The following MKLN1 variants were observed in gnomAD, a reference collection of about 807,000 sequenced individuals.
MKLN1 encodes muskelin 1.
A neutral mutation model predicts 99.0 loss-of-function variants in MKLN1; 18 were observed. That is an observed-to-expected ratio of 0.18 (90% CI 0.13 to 0.27). MKLN1 has a LOEUF of 0.27. MKLN1 is among the 10% of genes least tolerant of loss of function. MKLN1 has a pLI of 1.00. For missense variants in MKLN1, 621 were observed against 875.9 expected, an observed-to-expected ratio of 0.71 and a Z score of 3.67; for synonymous variants, 288 against 293.2, an observed-to-expected ratio of 0.98 and a Z score of 0.18.
intron 3 of MKLN1, chr7:131,310,471 T>A (rs1798545333): frequency 6.6e-6 from 1 of 152,220 alleles, no homozygotes; most frequent in Non-Finnish European, 1.5e-5. Context: ...CCATCACTTG[T>A]GGAATCACCT....
chr7:131,385,119 A>C (rs1286742210), intron 2 of MKLN1, among the ~76,000 whole-genome samples: 7 of 152,148 alleles, frequency 4.6e-5, no homozygotes, highest in Admixed American at 3.9e-4. Context: ...GGTAAGTCAG[A>C]CTGGCTTTTG....
chr7:131,463,432 AAAG>A, intron 13 of MKLN1, 68 bp downstream of exon 13: 3 of 1,476,362 alleles, frequency 2.0e-6, no homozygotes, highest in Non-Finnish European at 2.8e-6. Context: ...TTTATTCAAA[AAAG>A]AGAGAAATGA....
intron 3 of MKLN1, among the ~76,000 whole-genome samples, chr7:131,287,727 C>T (rs986310240): frequency 3.3e-5 from 5 of 152,110 alleles, no homozygotes; most frequent in Admixed American, 1.3e-4. Context: ...GTGTCCCCAC[C>T]CAAATCTCAT....
intron 14 of MKLN1, among the ~76,000 whole-genome samples, chr7:131,465,830 C>T (rs777299209): frequency 9.2e-5 from 14 of 152,164 alleles, no homozygotes; most frequent in South Asian, 4.1e-4. Flanking sequence ...TGAGCCACCG[C>T]GCCTGGCCTA....
At chr7:131,375,210 A>G (rs1793605317) in intron 1 of MKLN1, among the ~76,000 whole-genome samples, 1 of 152,120 alleles carries the variant, frequency 6.6e-6, no homozygotes, top group African/African-American at 2.4e-5. Context: ...AAAAGTCTTG[A>G]TTTTTCTCTG....
chr7:131,154,468 T>C (rs1795936163), intron 2 of MKLN1, among the ~76,000 whole-genome samples: 1 of 152,134 alleles, frequency 6.6e-6, no homozygotes, highest in South Asian at 2.1e-4. Flanking sequence ...AGATGTAACA[T>C]GGAGGAGGTT....
At chr7:131,159,246 G>GT (rs1188704940) in intron 2 of MKLN1, among the ~76,000 whole-genome samples, 1 of 152,106 alleles carries the variant, frequency 6.6e-6, no homozygotes, top group Non-Finnish European at 1.5e-5. Context: ...ATAAGCAAGG[G>GT]TGGGGGACAG....
At chr7:131,395,058 G>A (rs1584692739) in intron 4 of MKLN1, among the ~76,000 whole-genome samples, 1 of 151,920 alleles carries the variant, frequency 6.6e-6, no homozygotes, top group East Asian at 1.9e-4. Flanking sequence ...TCTAAGTGTT[G>A]GGAATCAGTT....
intron 2 of MKLN1, among the ~76,000 whole-genome samples, chr7:131,194,630 C>T (rs1195254694): frequency 6.6e-6 from 1 of 152,198 alleles, no homozygotes; most frequent in East Asian, 1.9e-4. Flanking sequence ...AATGCCACAG[C>T]CGCATCTCAA....
At chr7:131,453,453 T>G (rs1796244870) in intron 12 of MKLN1, among the ~76,000 whole-genome samples, 1 of 152,116 alleles carries the variant, frequency 6.6e-6, no homozygotes, top group African/African-American at 2.4e-5. Flanking sequence ...AGACATTGCT[T>G]AAGACTTGGC....
intron 3 of MKLN1, among the ~76,000 whole-genome samples, chr7:131,321,202 G>T (rs770612514): frequency 6.6e-6 from 1 of 151,944 alleles, no homozygotes; most frequent in Non-Finnish European, 1.5e-5. Flanking sequence ...ATGACAAGCT[G>T]GAAAAAGAAA....
upstream of MKLN1, chr7:131,327,863 G>A (rs1264839698): frequency 9.3e-6 from 15 of 1,604,550 alleles, no homozygotes; most frequent in Non-Finnish European, 1.3e-5. Context: ...CCCGTTCGCT[G>A]CCAGCGGTCG....
intron 3 of MKLN1, among the ~76,000 whole-genome samples, chr7:131,247,145 T>C (rs17165504): frequency 0.023 from 3,571 of 152,334 alleles, 110 homozygotes; most frequent in African/African-American, 0.081. Flanking sequence ...TACTCTGAGT[T>C]GTAACTTCTC....
chr7:131,156,467 A>AG (rs1237802436), intron 2 of MKLN1, among the ~76,000 whole-genome samples: 1 of 150,904 alleles, frequency 6.6e-6, no homozygotes. Flanking sequence ...AAAAAAAAAA[A>AG]AAAGAAAAGT....
intron 3 of MKLN1, among the ~76,000 whole-genome samples, chr7:131,214,365 G>C (rs1456708279): frequency 6.6e-6 from 1 of 152,140 alleles, no homozygotes; most frequent in African/African-American, 2.4e-5. Flanking sequence ...GGTTGGGATG[G>C]GGTGGGTAAG....
intron 15 of MKLN1, 115 bp downstream of exon 15, chr7:131,466,530 C>G (rs1796665828): frequency 1.5e-6 from 1 of 648,700 alleles, no homozygotes; most frequent in Admixed American, 4.1e-5. Context: ...TTGTAAATGC[C>G]CTGTTATTCC....
chr7:131,156,795 T>C (rs1029819082), intron 2 of MKLN1, among the ~76,000 whole-genome samples: 2 of 152,202 alleles, frequency 1.3e-5, no homozygotes, highest in Non-Finnish European at 1.5e-5. Context: ...GGAGCACCTG[T>C]ACACAGCATC....
intron 3 of MKLN1, among the ~76,000 whole-genome samples, chr7:131,273,347 G>T (rs961752777): frequency 1.6e-3 from 2 of 1,274 alleles, no homozygotes; most frequent in Non-Finnish European, 8.9e-3. Flanking sequence ...TTTGGAAAAG[G>T]TCCATTTTTT....
In MKLN1 at chr7:131,465,869, G is replaced by GTTGAC. The variant is rs548894747; in HGVS notation, c.1789-405_1789-401dup. On this transcript the variant is annotated intron_variant, in intron 14 of 17. Transcript: ENST00000352689. ...TTTTTTTAAAGTTTCTAGTTGACCT[G>GTTGAC]TTGACTGTTAACTTTTAGTGATTCA... 3.6e-3 allele frequency among the ~76,000 whole-genome samples: 549 copies of GTTGAC among 152,216 alleles called. 2 individuals carry two copies. The highest frequency in any genetic ancestry group is 0.013 in the African/African-American group (522 of 41,530).
Sources: allele counts gnomAD v4.1 joint callset (sites outside exome capture counted in the v4.1 genomes callset), GRCh38; gene constraint gnomAD v4.1.1; transcripts MANE v1.5; gene names NCBI Gene and HGNC (gene_info 2026-07-23, HGNC 2026-07-21).